LPAR3: variants seen among roughly 807,000 people sequenced by gnomAD.
The protein encoded by LPAR3 is LPA receptor 3.
LPAR3 carries 7 observed loss-of-function variants against 17.8 expected under a neutral mutation model. The observed-to-expected ratio is 0.39, with a 90% confidence interval of 0.22 to 0.74. The LOEUF (loss-of-function observed/expected upper bound fraction) is 0.74, where lower values mean the gene tolerates loss of function less well. Among genes scored for constraint, LPAR3 ranks in the 30% least tolerant of loss-of-function variants. The pLI, the probability that LPAR3 is intolerant of heterozygous loss-of-function variation, is 0.40. For missense variants in LPAR3, 391 were observed against 453.4 expected (o/e 0.86, Z 1.25); for synonymous variants, 179 against 179.9 (o/e 0.99, Z 0.04).
At position 84,816,778 on chromosome 1, in the gene LPAR3, T is replaced by C. The variant is rs769957042; in HGVS notation, c.737-2607A>G. Among the ~76,000 whole-genome samples, 7 of 152,108 alleles carry C rather than the reference T, an allele frequency of 4.6e-5. No homozygotes were observed. The East Asian group carries it at 1.2e-3, about 25-fold the overall frequency. ...TGCCACTGCACTCCAGCCTGGGCAATAGAGCAAGACTCCATCTCCAAAAAA... is the reference window on the plus strand; with the variant it reads ...TGCCACTGCACTCCAGCCTGGGCAACAGAGCAAGACTCCATCTCCAAAAAA... On this transcript the variant is annotated intron_variant, in intron 2 of 2. Coordinates refer to ENST00000370611, the MANE Select transcript of LPAR3 (RefSeq NM_012152.3).
intron 1 of LPAR3, among the ~76,000 whole-genome samples, chr1:84,878,571 G>A (rs1476550962): frequency 6.6e-6 from 1 of 152,116 alleles, no homozygotes; most frequent in African/African-American, 2.4e-5. Flanking sequence ...ATGTGCCTTG[G>A]AGCTAAAAGA....
intron 2 of LPAR3, among the ~76,000 whole-genome samples, chr1:84,832,238 A>G (rs1208401095): frequency 6.6e-6 from 1 of 152,122 alleles, no homozygotes; most frequent in African/African-American, 2.4e-5. Flanking sequence ...CCCCCTCCCC[A>G]TCTAGGAACA....
Position 84,873,640 on chromosome 1 carries a change from T to A in LPAR3, c.-18-7502A>T, listed in dbSNP as rs573658249. 2.9e-4 allele frequency among the ~76,000 whole-genome samples: 44 copies of A among 152,340 alleles called. 1 individual carries two copies. In the South Asian group the frequency reaches 3.7e-3, roughly 13 times the overall value. ...AAGGGTAGGGTTACAATTCGGTTTC[T>A]GTATCTTCATACTCTAGATCATTTC... On this transcript the variant is annotated intron_variant, in intron 1 of 2. Coordinates refer to ENST00000370611, the MANE Select transcript of LPAR3 (RefSeq NM_012152.3).
At chr1:84,845,717 T>C (rs1327649548) in intron 2 of LPAR3, among the ~76,000 whole-genome samples, 1 of 152,178 alleles carries the variant, frequency 6.6e-6, no homozygotes, top group African/African-American at 2.4e-5. Context: ...CTCTCCAGAA[T>C]ATATATTCAA....
rs569679018 is a variant in LPAR3, at chr1:84,859,341, A to G, written c.736+6044T>C. ...AAGAGACAAAAGAGGATGATTTAGC[A>G]TCAATCTAAGTGGAGAGGAGGGAGG... On this transcript the variant is annotated intron_variant, in intron 2 of 2. Transcript: ENST00000370611. Among the ~76,000 whole-genome samples the G allele has an allele frequency of 1.1e-4, 17 of 152,316 alleles. 1 individual carries two copies. The South Asian group carries it at 3.5e-3, about 32-fold the overall frequency.
chr1:84,849,372 C>CAAAAAAAAAAAAAAA (rs34239236), intron 2 of LPAR3, among the ~76,000 whole-genome samples: 1 of 77,512 alleles, frequency 1.3e-5, no homozygotes, highest in Non-Finnish European at 2.4e-5. Context: ...AGACTCATCT[C>CAAAAAAAAAAAAAAA]AAAAAAAAAA....
intron 2 of LPAR3, among the ~76,000 whole-genome samples, chr1:84,853,525 C>A (rs938772561): frequency 6.6e-6 from 1 of 152,218 alleles, no homozygotes; most frequent in South Asian, 2.1e-4. Flanking sequence ...CCTCTTCCTG[C>A]TTCTTCTCTC....
chr1:84,832,181 C>G (rs926542909), intron 2 of LPAR3, among the ~76,000 whole-genome samples: 1 of 152,120 alleles, frequency 6.6e-6, no homozygotes, highest in African/African-American at 2.4e-5. Context: ...TGATCCCCCA[C>G]GAAAGGGCAG....
intron 1 of LPAR3, among the ~76,000 whole-genome samples, 188 bp from the exon 2 acceptor site, chr1:84,866,326 G>A (rs542366302): frequency 4.6e-5 from 7 of 152,274 alleles, no homozygotes; most frequent in South Asian, 2.1e-4. Flanking sequence ...AGCATTTAGC[G>A]CACATTTTAA....
chr1:84,814,280 G>T, intron 2 of LPAR3, 109 bp from the exon 3 acceptor site: 1 of 878,494 alleles, frequency 1.1e-6, no homozygotes, highest in Non-Finnish European at 1.7e-6. Flanking sequence ...CTCATGATTT[G>T]TTTTGACAAC....
At position 84,812,018 on chromosome 1, in the gene LPAR3, C is replaced by A. The variant is rs1318245592; in HGVS notation, c.*1828G>T. On this transcript the variant is annotated 3_prime_UTR_variant, in exon 3 of 3. Coordinates refer to ENST00000370611, the MANE Select transcript of LPAR3 (RefSeq NM_012152.3). ...GAAAAATTCAAAATAGAACCCAGATCAAAATTCAGTTCACATGTAAGCCAG... is the reference window on the plus strand; with the variant it reads ...GAAAAATTCAAAATAGAACCCAGATAAAAATTCAGTTCACATGTAAGCCAG... The A allele has an allele frequency of 6.6e-6, 1 of 152,030 alleles. No homozygotes were observed. The highest frequency in any genetic ancestry group is 1.5e-5 in the Non-Finnish European group (1 of 68,004). 9.4% of individuals were successfully genotyped at this position (152,030 alleles called of 1,614,324 possible).
intron 2 of LPAR3, among the ~76,000 whole-genome samples, chr1:84,859,865 GC>G (rs1290663048): frequency 6.6e-6 from 1 of 152,184 alleles, no homozygotes; most frequent in Non-Finnish European, 1.5e-5. Flanking sequence ...ATTTCTGTGT[GC>G]ACAGTTCACA....
chr1:84,825,779 G>A (rs996600035), intron 2 of LPAR3, among the ~76,000 whole-genome samples: 2 of 152,176 alleles, frequency 1.3e-5, no homozygotes, highest in Non-Finnish European at 2.9e-5. Flanking sequence ...CCAGGAGGCC[G>A]GGCCTACTAT....
In LPAR3 at chr1:84,813,615, A is replaced by C; in HGVS notation, c.*231T>G. ...AGGAGCTCTGAGCAGTTCATAGGAC[A>C]AGCAGGGACCCGCCGAACCTCTCCC... On this transcript the variant is annotated 3_prime_UTR_variant, in exon 3 of 3. Transcript: ENST00000370611. 2.0e-6 allele frequency: 1 copy of C among 498,012 alleles called. No individual in the cohort carries two copies. The highest frequency in any genetic ancestry group is 2.7e-5 in the South Asian group (1 of 37,718). 30.8% of individuals were successfully genotyped at this position (498,012 alleles called of 1,614,324 possible). A position where few individuals can be genotyped will look rare whatever the true frequency, so the allele number is the denominator to read the frequency against.
At position 84,853,219 on chromosome 1, in the gene LPAR3, C is replaced by T. The variant is rs559199032; in HGVS notation, c.736+12166G>A. 2.6e-5 allele frequency among the ~76,000 whole-genome samples: 4 copies of T among 151,972 alleles called. No homozygotes were observed. In the East Asian group the frequency reaches 7.7e-4, roughly 29 times the overall value. ...GCTTACATTTTTGAACGATCAAGCT[C>T]ATAGGAAAGCAAGAATAAGGACAAG... On this transcript the variant is annotated intron_variant, in intron 2 of 2. Coordinates refer to ENST00000370611, the MANE Select transcript of LPAR3 (RefSeq NM_012152.3).
In LPAR3 at chr1:84,856,245, A is replaced by C. The variant is rs1244961343; in HGVS notation, c.736+9140T>G. ...CAAAAGTACGAACACCCCCGGACTC[A>C]ATGTACTGAGTACTGGTGCCTGGAT... On this transcript the variant is annotated intron_variant, in intron 2 of 2. Transcript: ENST00000370611. Among the ~76,000 whole-genome samples, 8 of 152,176 alleles carry C rather than the reference A, an allele frequency of 5.3e-5. No individual in the cohort carries two copies. The South Asian group carries it at 8.3e-4, about 16-fold the overall frequency.
chr1:84,844,605 T>C (rs1659563680), intron 2 of LPAR3, among the ~76,000 whole-genome samples: 1 of 152,134 alleles, frequency 6.6e-6, no homozygotes, highest in South Asian at 2.1e-4. Context: ...AAATTAGAAA[T>C]AGCTCATAAA....
At chr1:84,879,758 T>C (rs1236827807) in intron 1 of LPAR3, among the ~76,000 whole-genome samples, 1 of 152,108 alleles carries the variant, frequency 6.6e-6, no homozygotes. Context: ...TAAGCATAAA[T>C]GAAGTGTGCT....
rs570087392 is a variant in LPAR3, at chr1:84,811,711, T to C, written c.*2135A>G. Reference sequence around the variant, plus strand: ...TACACTTTCAAATCATAATATTCTCTATTTTAGGCTATTATATTTAGAAGC... The same window carrying C: ...TACACTTTCAAATCATAATATTCTCCATTTTAGGCTATTATATTTAGAAGC... On this transcript the variant is annotated 3_prime_UTR_variant, in exon 3 of 3. Transcript: ENST00000370611. The C allele has an allele frequency of 6.6e-6, 1 of 152,356 alleles. No individual in the cohort carries two copies. Among genetic ancestry groups the C allele is most frequent in the Non-Finnish European group, 1.5e-5 (1 of 68,036 alleles). The allele number at this position is 152,356 out of a possible 1,614,324, so 9.4% of individuals were successfully genotyped here. A position where few individuals can be genotyped will look rare whatever the true frequency, so the allele number is the denominator to read the frequency against.
Sources: allele counts gnomAD v4.1 joint callset (sites outside exome capture counted in the v4.1 genomes callset), GRCh38; gene constraint gnomAD v4.1.1; transcripts MANE v1.5; gene names NCBI Gene and HGNC (gene_info 2026-07-23, HGNC 2026-07-21).